Variants in LILRB4 observed in about 807,000 individuals in gnomAD.
LILRB4 encodes the protein leukocyte immunoglobulin like receptor B4, also known as leukocyte immunoglobulin-like receptor subfamily B member 4.
In LILRB4, 49 loss-of-function variants were observed where a neutral mutation model predicts 55.2. That is an observed-to-expected ratio of 0.89 (90% CI 0.71 to 1.13). LILRB4 has a LOEUF of 1.13. Among genes scored for constraint, LILRB4 ranks in the 50% most tolerant of loss-of-function variants. The pLI, the probability that LILRB4 is intolerant of heterozygous loss-of-function variation, is 0.00. For synonymous variants in LILRB4, 229 were observed against 213.8 expected, an observed-to-expected ratio of 1.07 and a Z score of -0.62; for missense variants, 590 against 555.2, an observed-to-expected ratio of 1.06 and a Z score of -0.63.
At chr19:54,664,964 T>C (rs1358306965) in intron 5 of LILRB4, 115 bp downstream of exon 5, 5 of 1,363,062 alleles carry the variant, frequency 3.7e-6, no homozygotes, top group East Asian at 2.4e-5. Context: ...CTTCCACGGG[T>C]GTGGGAGTCG....
chr19:54,663,083 G>T lies in LILRB4; in HGVS notation c.34+16G>T, dbSNP rs202166687. On this transcript the variant is annotated intron_variant, in intron 1 of 11. Transcript: ENST00000430952. ...CTCTGCCTCGGTGAGATTTAAAGAG[G>T]GGGAGGGGAGACCCGAGTCTTGGAG... The T allele has an allele frequency of 1.0e-5, 16 of 1,606,372 alleles. No individual in the cohort carries two copies. The highest frequency in any genetic ancestry group is 7.7e-5 in the South Asian group (7 of 90,510).
chr19:54,667,779 C>G (rs1191138597), exon 11 of LILRB4: 2 of 1,610,396 alleles, frequency 1.2e-6, no homozygotes, highest in Non-Finnish European at 1.7e-6. Context: ...AGAGGACAGA[C>G]AGATGGACAC....
At chr19:54,667,357 C>T (rs1442838698) in intron 10 of LILRB4, 5 of 632,742 alleles carry the variant, frequency 7.9e-6, no homozygotes, top group Non-Finnish European at 1.4e-5. Context: ...ATGGACGAGC[C>T]CCTGCAGGCA....
Position 54,663,832 on chromosome 19 carries a change from AG to A in LILRB4, c.153del (p.Thr52ProfsTer37). The A allele has an allele frequency of 6.2e-7, 1 of 1,614,164 alleles. No homozygotes were observed. Among genetic ancestry groups the A allele is most frequent in the Non-Finnish European group, 8.5e-7 (1 of 1,180,010 alleles). On this transcript the variant is annotated frameshift_variant, in exon 3 of 12. Transcript: ENST00000430952. LOFTEE classifies it high-confidence loss of function. Reference sequence around the variant, plus strand: ...GGGAACTCTGTGACCATCTGGTGTCAGGGGACCCTGGAGGCTCGGGAGTACC... The same window carrying A: ...GGGAACTCTGTGACCATCTGGTGTCAGGGACCCTGGAGGCTCGGGAGTACC...
Position 54,666,805 on chromosome 19 carries a change from C to G in LILRB4, c.1041+56C>G. 6.6e-7 allele frequency: 1 copy of G among 1,508,046 alleles called. No individual in the cohort carries two copies. Among genetic ancestry groups the G allele is most frequent in the East Asian group, 2.3e-5 (1 of 44,348 alleles). The allele number at this position is 1,508,046 out of a possible 1,614,324, so 93.4% of individuals were successfully genotyped here. On this transcript the variant is annotated intron_variant, in intron 10 of 11. Transcript: ENST00000430952. The surrounding 1 kb of genome is among the most constrained non-coding windows in gnomAD (Gnocchi z 4.8). ...AGGCCTCCTGGTGCCAGATCTAATC[C>G]TGCAGGACTTCTCTGTCCTCCTTCC...
Position 54,665,331 on chromosome 19 carries a change from C to G in LILRB4, c.757+151C>G. ...TTTCTCCAAGTGTAAAGGAGAGAGG[C>G]CTGCGGGTGGGAAAGTTCCTTTCAG... On this transcript the variant is annotated intron_variant, in intron 6 of 11. Transcript: ENST00000430952. This position sits in a 1 kb window ranked among gnomAD's most constrained non-coding sequence, Gnocchi z 5.5. 7.7e-7 allele frequency: 1 copy of G among 1,301,094 alleles called. No homozygotes were observed. The highest frequency in any genetic ancestry group is 1.5e-5 in the African/African-American group (1 of 66,794). The allele number at this position is 1,301,094 out of a possible 1,614,324, so 80.6% of individuals were successfully genotyped here.
exon 12 of LILRB4, chr19:54,668,102 A>G (rs1389838016): frequency 4.6e-6 from 7 of 1,535,362 alleles, no homozygotes; most frequent in Non-Finnish European, 6.2e-6. Flanking sequence ...GACATCACTG[A>G]ACCCCAGCCA....
intron 4 of LILRB4, 65 bp downstream of exon 4, chr19:54,664,550 G>T: frequency 1.3e-6 from 2 of 1,499,002 alleles, no homozygotes; most frequent in Non-Finnish European, 1.8e-6. Context: ...TGCCAGGAGA[G>T]CTCTGGGCAG....
chr19:54,667,572 G>C (rs572097855), intron 10 of LILRB4, 63 bp from the exon 11 acceptor site: 19 of 1,601,412 alleles, frequency 1.2e-5, no homozygotes, highest in Admixed American at 6.7e-5. Flanking sequence ...GGAACAGTGG[G>C]GAAAATTGAC....
exon 1 of LILRB4, chr19:54,663,014 G>T: frequency 6.2e-7 from 1 of 1,614,020 alleles, no homozygotes; most frequent in Non-Finnish European, 8.5e-7. Flanking sequence ...GCACAGCTGG[G>T]GCCCCTGGGA....
At chr19:54,668,161 G>C (rs531519965) in exon 12 of LILRB4, 4 of 891,578 alleles carry the variant, frequency 4.5e-6, no homozygotes, top group Non-Finnish European at 6.9e-6. Flanking sequence ...AACGTTGGGA[G>C]TCACCTGATT....
chr19:54,668,294 A>T (rs2065388363), exon 12 of LILRB4: 2 of 437,580 alleles, frequency 4.6e-6, no homozygotes, highest in Admixed American at 7.8e-5. Flanking sequence ...TGATCATGTA[A>T]ATATTACACA....
intron 4 of LILRB4, 77 bp downstream of exon 4, chr19:54,664,562 G>T (rs1013530703): frequency 1.4e-6 from 2 of 1,454,600 alleles, no homozygotes; most frequent in African/African-American, 2.8e-5. Context: ...TCTGGGCAGG[G>T]ATGGAGGGAG....
chr19:54,667,273 T>A (rs1460212590), intron 10 of LILRB4: 4 of 576,714 alleles, frequency 6.9e-6, no homozygotes, highest in Non-Finnish European at 1.3e-5. Context: ...GGGGCCAGTC[T>A]GAATGGAAAG....
chr19:54,663,122 C>A, intron 1 of LILRB4, 55 bp downstream of exon 1: 1 of 1,579,556 alleles, frequency 6.3e-7, no homozygotes, highest in Non-Finnish European at 8.6e-7. Context: ...ATTTGCCTCA[C>A]AGCCAGGCCC....
At position 54,665,040 on chromosome 19, in the gene LILRB4, G is replaced by A. The variant is rs111444026; in HGVS notation, c.707-90G>A. The A allele has an allele frequency of 2.5e-3, 3,880 of 1,528,074 alleles. 71 individuals are homozygous for A. The African/African-American group carries it at 0.046, about 18-fold the overall frequency. The allele number at this position is 1,528,074 out of a possible 1,614,324, so 94.7% of individuals were successfully genotyped here. A position where few individuals can be genotyped will look rare whatever the true frequency, so the allele number is the denominator to read the frequency against. On this transcript the variant is annotated intron_variant, in intron 5 of 11. Coordinates refer to ENST00000430952, the Ensembl canonical transcript of LILRB4. The surrounding 1 kb of genome is among the most constrained non-coding windows in gnomAD (Gnocchi z 5.5). ...AGGCTGGGCTGGTGAGGGGTGAGGG[G>A]GTCAAGGCTGAAGGAGATGTTGCGG...
exon 3 of LILRB4, chr19:54,663,813 T>C: frequency 6.2e-7 from 1 of 1,614,086 alleles, no homozygotes; most frequent in Non-Finnish European, 8.5e-7. Flanking sequence ...CTGGGGGAAC[T>C]CTGTGACCAT....
In LILRB4 at chr19:54,667,525, G is replaced by A. The variant is rs1257727409; in HGVS notation, c.1042-113G>A. 6 of 1,550,988 alleles carry A rather than the reference G, an allele frequency of 3.9e-6. No individual in the cohort carries two copies. In the East Asian group the frequency reaches 9.1e-5, roughly 23 times the overall value. On this transcript the variant is annotated intron_variant, in intron 10 of 11. Transcript: ENST00000430952. ...CTCCACGGCCTTAGGGCATCCCTGA[G>A]ATTCCGTCAGGAAAGGGATGTAATC...
Position 54,665,777 on chromosome 19 carries a change from A to C in LILRB4, c.758-38A>C, listed in dbSNP as rs536835813. On this transcript the variant is annotated intron_variant, in intron 6 of 11. Transcript: ENST00000430952. This position sits in a 1 kb window ranked among gnomAD's most constrained non-coding sequence, Gnocchi z 5.5. ...GCACACACAGTAGGTGTGCACATCA[A>C]TGACATCATCCCCATTCCTGATGTC... 5 of 1,567,828 alleles carry C rather than the reference A, an allele frequency of 3.2e-6. No homozygotes were observed. The highest frequency in any genetic ancestry group is 4.3e-6 in the Non-Finnish European group (5 of 1,156,354).
Sources: gnomAD v4.1 joint callset for allele counts on GRCh38, gnomAD v4.1.1 for gene constraint, Gnocchi (gnomAD v3.1) non-coding constraint, MANE v1.5 for transcripts, NCBI Gene and HGNC (gene_info 2026-07-23, HGNC 2026-07-21) for gene names.